SHOC2: variants seen among roughly 807,000 people sequenced by gnomAD.
SHOC2 encodes leucine-rich repeat protein SHOC-2.
A neutral mutation model predicts 50.2 loss-of-function variants in SHOC2; 4 were observed. That is an observed-to-expected ratio of 0.08 (90% CI 0.04 to 0.18). The LOEUF is 0.18. SHOC2 is among the 10% of genes least tolerant of loss of function. The pLI is 1.00. For missense variants in SHOC2, 388 were observed against 669.6 expected, an observed-to-expected ratio of 0.58 and a Z score of 4.64; for synonymous variants, 218 against 244.5, an observed-to-expected ratio of 0.89 and a Z score of 1.01.
intron 1 of SHOC2, among the ~76,000 whole-genome samples, chr10:110,950,597 C>T (rs891830987): frequency 3.9e-5 from 6 of 152,072 alleles, no homozygotes; most frequent in African/African-American, 9.7e-5. Context: ...TCATACTACC[C>T]GATGCCTCCA....
chr10:110,934,949 C>T (rs1277207342), intron 1 of SHOC2, among the ~76,000 whole-genome samples: 1 of 152,182 alleles, frequency 6.6e-6, no homozygotes, highest in Non-Finnish European at 1.5e-5. Flanking sequence ...GAAACCTCTT[C>T]TACCCAGTTT....
Position 111,011,111 on chromosome 10 carries a change from A to G in SHOC2, c.1541-499A>G, listed in dbSNP as rs1848558788. ...TTTTTGGCTTACTGCCATATATGTGATAACTCTTAGTGAAAGGTTCATATT... is the reference window on the plus strand; with the variant it reads ...TTTTTGGCTTACTGCCATATATGTGGTAACTCTTAGTGAAAGGTTCATATT... On this transcript the variant is annotated intron_variant, in intron 8 of 8. Coordinates refer to ENST00000369452, the MANE Select transcript of SHOC2 (RefSeq NM_007373.4). 2.6e-5 allele frequency among the ~76,000 whole-genome samples: 4 copies of G among 152,330 alleles called. No homozygotes were observed. In the South Asian group the frequency reaches 6.2e-4, roughly 24 times the overall value.
Position 111,004,758 on chromosome 10 carries a change from C to G in SHOC2, c.1125C>G (p.Phe375Leu). The G allele has an allele frequency of 6.2e-7, 1 of 1,612,938 alleles. No individual in the cohort carries two copies. Among genetic ancestry groups the G allele is most frequent in the Middle Eastern group, 1.7e-4 (1 of 6,056 alleles). ...TCAACAAAATTCCATTTGGAATTTT[C>G]TCCAGAGCAAAAGTATTAAGTAAGC... is the stretch of plus-strand genomic sequence containing the variant. ...NRINKIPFGI[F>L]SRAKVLSKLN... The change falls in exon 5 of 9, where the codon TTC becomes TTG. Residue 375 changes from phenylalanine to leucine, a missense_variant. Physicochemically the swap from Phe to Leu is conservative, Grantham distance 22. This residue lies in a region of SHOC2 where 48 missense variants were observed against 151.6 expected (regional missense o/e 0.32). Coordinates refer to ENST00000369452, the MANE Select transcript of SHOC2 (RefSeq NM_007373.4).
At chr10:110,991,899 A>G (rs1027077031) in intron 3 of SHOC2, among the ~76,000 whole-genome samples, 1 of 152,190 alleles carries the variant, frequency 6.6e-6, no homozygotes, top group African/African-American at 2.4e-5. Flanking sequence ...AATGAAAAAC[A>G]AACAGAAAGC....
chr10:110,986,170 A>T (rs1848072763), intron 3 of SHOC2, among the ~76,000 whole-genome samples: 1 of 152,184 alleles, frequency 6.6e-6, no homozygotes, highest in African/African-American at 2.4e-5. Context: ...TGGCCAATAT[A>T]CTTTAAAGTT....
At position 110,991,696 on chromosome 10, in the gene SHOC2, G is replaced by C. The variant is rs1848189102; in HGVS notation, c.841+5931G>C. Among the ~76,000 whole-genome samples the C allele has an allele frequency of 3.3e-5, 5 of 152,204 alleles. No homozygotes were observed. The South Asian group carries it at 8.3e-4, about 25-fold the overall frequency. On this transcript the variant is annotated intron_variant, in intron 3 of 8. Transcript: ENST00000369452. ...ATGATGTAGCAGAAGATTGAGGTTT[G>C]GTGGGAAACTTTGACGTTTGGGTCT...
intron 2 of SHOC2, among the ~76,000 whole-genome samples, chr10:110,973,055 C>T (rs973868654): frequency 4.6e-5 from 7 of 152,076 alleles, no homozygotes; most frequent in Admixed American, 6.5e-5. Flanking sequence ...CCCCTGAAGT[C>T]GTCTTTGCAA....
At chr10:111,003,201 T>C (rs947092858) in intron 4 of SHOC2, among the ~76,000 whole-genome samples, 2 of 152,252 alleles carry the variant, frequency 1.3e-5, no homozygotes, top group African/African-American at 2.4e-5. Context: ...TTGCCAATTA[T>C]ACTGTCACCT....
At chr10:110,921,605 C>T (rs1846652372) in intron 1 of SHOC2, among the ~76,000 whole-genome samples, 1 of 152,118 alleles carries the variant, frequency 6.6e-6, no homozygotes, top group African/African-American at 2.4e-5. Flanking sequence ...TTGATACAGG[C>T]ATACAATGCA....
intron 1 of SHOC2, 133 bp from the exon 2 acceptor site, chr10:110,963,992 C>T (rs1847622347): frequency 2.5e-6 from 1 of 395,428 alleles, no homozygotes; most frequent in Non-Finnish European, 4.4e-6. Context: ...TGGATTTTTA[C>T]CTATAAAGGA....
intron 2 of SHOC2, among the ~76,000 whole-genome samples, chr10:110,981,444 G>A (rs1040050831): frequency 1.3e-5 from 2 of 152,154 alleles, no homozygotes; most frequent in Admixed American, 1.3e-4. Flanking sequence ...CTGGGGCAGA[G>A]GTTTGTCCTT....
intron 1 of SHOC2, among the ~76,000 whole-genome samples, chr10:110,938,468 T>C (rs952387885): frequency 1.3e-5 from 2 of 152,154 alleles, no homozygotes; most frequent in Non-Finnish European, 2.9e-5. Flanking sequence ...TTTAATAATT[T>C]ATAATAATAA....
At chr10:111,002,311 CAAT>C (rs1047019777) in intron 4 of SHOC2, among the ~76,000 whole-genome samples, 4 of 152,206 alleles carry the variant, frequency 2.6e-5, no homozygotes, top group Admixed American at 6.5e-5. Context: ...GTAAGGAAAA[CAAT>C]AAAATCCATT....
At chr10:111,005,337 A>G (rs543138300) in intron 5 of SHOC2, among the ~76,000 whole-genome samples, 2 of 152,332 alleles carry the variant, frequency 1.3e-5, no homozygotes, top group South Asian at 4.1e-4. Flanking sequence ...TATGTATTGC[A>G]GAGCTATCTA....
intron 1 of SHOC2, among the ~76,000 whole-genome samples, chr10:110,924,885 T>G (rs1277218703): frequency 6.6e-6 from 1 of 151,584 alleles, no homozygotes; most frequent in Non-Finnish European, 1.5e-5. Context: ...GCCTGGCCAA[T>G]GTAGCGAAAC....
At chr10:111,003,351 T>C (rs1461802800) in intron 4 of SHOC2, among the ~76,000 whole-genome samples, 1 of 152,220 alleles carries the variant, frequency 6.6e-6, no homozygotes, top group Non-Finnish European at 1.5e-5. Flanking sequence ...TCTATTTCTC[T>C]GAGTATTTTA....
At chr10:111,011,154 C>T (rs996412632) in intron 8 of SHOC2, among the ~76,000 whole-genome samples, 4 of 152,056 alleles carry the variant, frequency 2.6e-5, no homozygotes, top group African/African-American at 9.7e-5. Context: ...AAATATTTTG[C>T]ACATAAGAAA....
chr10:111,013,450 A>G lies in SHOC2; in HGVS notation c.*1632A>G, dbSNP rs945404848. ...CATGACTAGTTTTGAGGTCAAACCT[A>G]TGTTCGTAATGAGAGATTTTATAAG... On this transcript the variant is annotated 3_prime_UTR_variant, in exon 9 of 9. Transcript: ENST00000369452. 3.9e-5 allele frequency: 6 copies of G among 152,068 alleles called. No homozygotes were observed. Among genetic ancestry groups the G allele is most frequent in the East Asian group, 1.9e-4 (1 of 5,190 alleles). The allele number at this position is 152,068 out of a possible 1,614,324, so 9.4% of individuals were successfully genotyped here.
At chr10:110,947,890 T>G (rs1847277800) in intron 1 of SHOC2, among the ~76,000 whole-genome samples, 1 of 152,120 alleles carries the variant, frequency 6.6e-6, no homozygotes, top group Admixed American at 6.5e-5. Flanking sequence ...ACAATTACTT[T>G]TAATGTAAAT....
Sources: gnomAD v4.1 joint callset for allele counts (sites outside exome capture counted in the v4.1 genomes callset) on GRCh38, gnomAD v4.1.1 for gene constraint, gnomAD v4.1.1 regional missense constraint, MANE v1.5 for transcripts, NCBI Gene and HGNC (gene_info 2026-07-23, HGNC 2026-07-21) for gene names.